HPSE2: variants seen among roughly 807,000 people sequenced by gnomAD.
The protein encoded by HPSE2 is heparanase 2 (inactive).
In HPSE2, 38 loss-of-function variants were observed where a neutral mutation model predicts 60.5. That is an observed-to-expected ratio of 0.63 (90% CI 0.48 to 0.82). The LOEUF (loss-of-function observed/expected upper bound fraction) is 0.82, where lower values mean the gene tolerates loss of function less well. Among genes scored for constraint, HPSE2 ranks in the 40% least tolerant of loss-of-function variants. The probability of loss-of-function intolerance (pLI) is 0.00; values close to 1 mark genes in which losing one functional copy is unlikely to be tolerated. For synonymous variants in HPSE2, 295 were observed against 293.2 expected, an observed-to-expected ratio of 1.01 and a Z score of -0.06; for missense variants, 713 against 740.4, an observed-to-expected ratio of 0.96 and a Z score of 0.43.
At chr10:98,463,366 C>T (rs1272741979) in intron 11 of HPSE2, among the ~76,000 whole-genome samples, 3 of 152,114 alleles carry the variant, frequency 2.0e-5, no homozygotes, top group East Asian at 1.9e-4. Context: ...AGGGGGTTGC[C>T]AGTTATTGTA....
intron 9 of HPSE2, among the ~76,000 whole-genome samples, chr10:98,607,618 T>C (rs1029105430): frequency 6.6e-6 from 1 of 152,224 alleles, no homozygotes; most frequent in Non-Finnish European, 1.5e-5. Context: ...ACCTTTGCAG[T>C]CAATTCCTCT....
intron 3 of HPSE2, among the ~76,000 whole-genome samples, chr10:98,898,709 T>C (rs1430210879): frequency 6.6e-6 from 1 of 152,106 alleles, no homozygotes; most frequent in East Asian, 1.9e-4. Context: ...CCTTAACGTA[T>C]GCAAATTATA....
Position 98,489,327 on chromosome 10 carries a change from A to T in HPSE2, c.1466+724T>A, listed in dbSNP as rs372580261. Among the ~76,000 whole-genome samples, 12 of 152,284 alleles carry T rather than the reference A, an allele frequency of 7.9e-5. No homozygotes were observed. In the South Asian group the frequency reaches 2.1e-3, roughly 26 times the overall value. On this transcript the variant is annotated intron_variant, in intron 10 of 11. Transcript: ENST00000370552. ...TCAAAATTTTTTATCTGCCAAGCTTATATTTATTGACAATTAATTTTCCTG... is the reference window on the plus strand; with the variant it reads ...TCAAAATTTTTTATCTGCCAAGCTTTTATTTATTGACAATTAATTTTCCTG...
intron 2 of HPSE2, among the ~76,000 whole-genome samples, chr10:99,230,724 T>C (rs1564909848): frequency 1.3e-5 from 2 of 152,160 alleles, no homozygotes; most frequent in South Asian, 2.1e-4. Context: ...TCTAAACTTA[T>C]AATGGTCCTT....
chr10:98,820,686 C>T (rs1424019382), intron 3 of HPSE2, among the ~76,000 whole-genome samples: 1 of 152,118 alleles, frequency 6.6e-6, no homozygotes, highest in Non-Finnish European at 1.5e-5. Flanking sequence ...GTTGGGGGTT[C>T]TTTACCCCAA....
intron 3 of HPSE2, among the ~76,000 whole-genome samples, chr10:98,919,691 C>T (rs546679785): frequency 7.2e-5 from 11 of 152,120 alleles, no homozygotes; most frequent in African/African-American, 2.4e-4. Flanking sequence ...CATATCAGAA[C>T]AGAAATCTGA....
intron 3 of HPSE2, chr10:99,013,106 AATCTT>A: frequency 1.4e-5 from 9 of 650,262 alleles, no homozygotes; most frequent in South Asian, 1.1e-4. Context: ...GAGATAATCT[AATCTT>A]AAGTCGTGAC....
At chr10:98,821,644 G>A (rs1213667656) in intron 3 of HPSE2, among the ~76,000 whole-genome samples, 2 of 152,132 alleles carry the variant, frequency 1.3e-5, no homozygotes, top group Non-Finnish European at 2.9e-5. Context: ...ACCAACAGCC[G>A]TTACGCCTTT....
chr10:99,160,178 T>C (rs1318340180), intron 2 of HPSE2, among the ~76,000 whole-genome samples: 13 of 150,028 alleles, frequency 8.7e-5, no homozygotes, highest in Admixed American at 8.6e-4. Flanking sequence ...ACTGAGAAAA[T>C]ATTTTAAAAT....
intron 9 of HPSE2, among the ~76,000 whole-genome samples, chr10:98,576,500 C>T (rs933328982): frequency 6.6e-6 from 1 of 152,042 alleles, no homozygotes; most frequent in Non-Finnish European, 1.5e-5. Flanking sequence ...AAAACTACCT[C>T]GGGCCCATGT....
At chr10:98,752,550 G>T (rs1949783184) in intron 3 of HPSE2, among the ~76,000 whole-genome samples, 1 of 152,012 alleles carries the variant, frequency 6.6e-6, no homozygotes, top group South Asian at 2.1e-4. Flanking sequence ...AAATAATTTG[G>T]CTGGGATTGC....
Position 98,501,696 on chromosome 10 carries a change from C to A in HPSE2, c.1321-11500G>T, listed in dbSNP as rs148986145. On this transcript the variant is annotated intron_variant, in intron 9 of 11. Coordinates refer to ENST00000370552, the MANE Select transcript of HPSE2 (RefSeq NM_021828.5). The stretch of plus-strand genomic sequence containing the variant: ...TTCAACATAGTATTGGAAGTCCTAG[C>A]CAGAGCAATCAGACAAGAGAAAGAA... 5.0e-3 allele frequency among the ~76,000 whole-genome samples: 763 copies of A among 152,234 alleles called. 9 individuals carry two copies. Among genetic ancestry groups the A allele is most frequent in the African/African-American group, 0.017 (718 of 41,534 alleles).
rs185584904 is a variant in HPSE2, at chr10:99,130,569, C to T, written c.610+13669G>A. ...TAGCCAGCAACCAAGAGACGGCTAA[C>T]GCTCAAAATTCTCTTGGCCCCAAGG... On this transcript the variant is annotated intron_variant, in intron 3 of 11. Transcript: ENST00000370552. Among the ~76,000 whole-genome samples, 166 of 152,218 alleles carry T rather than the reference C, an allele frequency of 1.1e-3. 3 individuals carry two copies. The highest frequency in any genetic ancestry group is 3.6e-3 in the African/African-American group (150 of 41,520).
At chr10:98,744,616 A>C (rs956983290) in intron 3 of HPSE2, among the ~76,000 whole-genome samples, 1 of 152,198 alleles carries the variant, frequency 6.6e-6, no homozygotes, top group African/African-American at 2.4e-5. Context: ...TTGGCAACCA[A>C]ATCTAGTCCA....
In HPSE2 at chr10:98,990,588, G is replaced by A. The variant is rs144617438; in HGVS notation, c.610+153650C>T. The stretch of plus-strand genomic sequence containing the variant: ...TCTGTGGCCTGGAGGTTGGGGACCC[G>A]TGTGCTAAACAATGGTCTTTACCAT... On this transcript the variant is annotated intron_variant, in intron 3 of 11. Coordinates refer to ENST00000370552, the MANE Select transcript of HPSE2 (RefSeq NM_021828.5). 6.6e-5 allele frequency among the ~76,000 whole-genome samples: 10 copies of A among 152,332 alleles called. No homozygotes were observed. The East Asian group carries it at 1.5e-3, about 23-fold the overall frequency.
intron 3 of HPSE2, among the ~76,000 whole-genome samples, chr10:99,139,488 AAG>A (rs1027618510): frequency 3.4e-5 from 5 of 147,980 alleles, no homozygotes; most frequent in South Asian, 2.1e-4. Context: ...TAAAACTGAA[AAG>A]AGAGGTTAAA....
At chr10:99,293,158 T>A in the HPSE2 span, among the ~76,000 whole-genome samples, 2 of 152,018 alleles carry the variant, frequency 1.3e-5, no homozygotes, top group African/African-American at 4.8e-5. Flanking sequence ...ATCTGAAAAT[T>A]GTCATAAAAT....
intron 3 of HPSE2, among the ~76,000 whole-genome samples, chr10:99,141,245 A>T (rs1311441421): frequency 6.6e-6 from 1 of 152,168 alleles, no homozygotes; most frequent in Non-Finnish European, 1.5e-5. Flanking sequence ...CTCCAGCTCA[A>T]GAAACTGCAG....
chr10:99,258,229 T>C, the HPSE2 span, among the ~76,000 whole-genome samples: 1 of 151,960 alleles, frequency 6.6e-6, no homozygotes, highest in Non-Finnish European at 1.5e-5. Flanking sequence ...AGAATTGAAA[T>C]TTCATAAACA....
Sources: gnomAD v4.1 joint callset for allele counts (sites outside exome capture counted in the v4.1 genomes callset) on GRCh38, gnomAD v4.1.1 for gene constraint, MANE v1.5 for transcripts, NCBI Gene and HGNC (gene_info 2026-07-23, HGNC 2026-07-21) for gene names.